PRICKLE2: variants seen among roughly 807,000 people sequenced by gnomAD.
The protein encoded by PRICKLE2 is prickle planar cell polarity protein 2.
In PRICKLE2, 21 loss-of-function variants were observed where a neutral mutation model predicts 81.4. The ratio of observed to expected loss-of-function variants is 0.26; its 90% CI spans 0.18 to 0.37. The LOEUF (loss-of-function observed/expected upper bound fraction) is 0.37. Among genes scored for constraint, PRICKLE2 ranks in the 10% least tolerant of loss-of-function variants. The pLI, the probability that PRICKLE2 is intolerant of heterozygous loss-of-function variation, is 1.00. For synonymous variants in PRICKLE2, 456 were observed against 421.5 expected, an observed-to-expected ratio of 1.08 and a Z score of -1.00; for missense variants, 940 against 1,109.0, an observed-to-expected ratio of 0.85 and a Z score of 2.16.
chr3:64,201,572 A>AT (rs989097243), intron 1 of PRICKLE2, among the ~76,000 whole-genome samples: 3 of 151,270 alleles, frequency 2.0e-5, no homozygotes, highest in East Asian at 1.9e-4. Flanking sequence ...TCCTTAGTCC[A>AT]TTTTTTTTCA....
chr3:64,133,590 G>T (rs543940831), intron 7 of PRICKLE2, among the ~76,000 whole-genome samples: 1 of 152,102 alleles, frequency 6.6e-6, no homozygotes, highest in Admixed American at 6.5e-5. Context: ...ATACTGGGGT[G>T]GGGGGCCAGG....
At chr3:64,149,099 G>C (rs898407172) in intron 6 of PRICKLE2, among the ~76,000 whole-genome samples, 1 of 152,140 alleles carries the variant, frequency 6.6e-6, no homozygotes. Context: ...ACAGGCCTGC[G>C]CCAGGTTTAT....
chr3:64,219,366 A>G (rs1487449949), intron 1 of PRICKLE2, among the ~76,000 whole-genome samples: 4 of 152,212 alleles, frequency 2.6e-5, no homozygotes, highest in Non-Finnish European at 5.9e-5. Flanking sequence ...ACAACTGGCG[A>G]TCAAGAGCAA....
intron 2 of PRICKLE2, chr3:64,174,917 G>C: frequency 4.8e-6 from 1 of 208,404 alleles, no homozygotes; most frequent in South Asian, 9.6e-5. Context: ...GAAGGTCCTG[G>C]TTTGCACTAA....
At chr3:64,178,997 TTCTTTCTTTC>T (rs969300122) in intron 2 of PRICKLE2, among the ~76,000 whole-genome samples, 7 of 148,836 alleles carry the variant, frequency 4.7e-5, no homozygotes, top group South Asian at 2.2e-4. Context: ...CTTTCTTTCT[TTCTTTCTTTC>T]TTTCTTTCTT....
At chr3:64,252,835 A>G (rs1215915171) in intron 2 of PRICKLE2, among the ~76,000 whole-genome samples, 1 of 152,232 alleles carries the variant, frequency 6.6e-6, no homozygotes, top group Non-Finnish European at 1.5e-5. Flanking sequence ...TGTGGGCCAT[A>G]TAGTCTCTGT....
At chr3:64,246,367 G>A (rs58370185) in intron 2 of PRICKLE2, among the ~76,000 whole-genome samples, 5,649 of 152,274 alleles carry the variant, frequency 0.037, 354 homozygotes, top group African/African-American at 0.13. Context: ...GAGCCCTGAA[G>A]TTGGAAAAAA....
chr3:64,225,938 G>GT (rs938290376), upstream of PRICKLE2, among the ~76,000 whole-genome samples: 3 of 149,650 alleles, frequency 2.0e-5, no homozygotes, highest in African/African-American at 7.4e-5. Flanking sequence ...GGTGTTGCTT[G>GT]TTTTTTGGCC....
intron 1 of PRICKLE2, among the ~76,000 whole-genome samples, chr3:64,223,153 T>C (rs1207142816): frequency 6.6e-6 from 1 of 152,232 alleles, no homozygotes; most frequent in Non-Finnish European, 1.5e-5. Context: ...TTTTCAATAC[T>C]GTTTTTTAGC....
chr3:64,229,916 C>G (rs749177557), upstream of PRICKLE2, among the ~76,000 whole-genome samples: 1 of 152,190 alleles, frequency 6.6e-6, no homozygotes, highest in East Asian at 1.9e-4. Context: ...ATGTCAATGG[C>G]TTAACACAAG....
intron 6 of PRICKLE2, among the ~76,000 whole-genome samples, chr3:64,151,681 A>T (rs1360990975): frequency 3.9e-5 from 6 of 152,172 alleles, no homozygotes; most frequent in African/African-American, 1.2e-4. Context: ...GGCAATACTG[A>T]GTCAAGACAT....
intron 7 of PRICKLE2, among the ~76,000 whole-genome samples, chr3:64,116,483 A>T (rs1435764129): frequency 6.6e-6 from 1 of 152,192 alleles, no homozygotes; most frequent in Non-Finnish European, 1.5e-5. Context: ...AGAAGATTAA[A>T]ATAAACACAA....
intron 7 of PRICKLE2, among the ~76,000 whole-genome samples, chr3:64,134,751 G>A (rs1197435720): frequency 1.3e-5 from 2 of 151,108 alleles, no homozygotes; most frequent in African/African-American, 4.8e-5. Flanking sequence ...TGTACCTTAG[G>A]CAAAGGGAAT....
chr3:64,113,209 T>A (rs1309019994), intron 7 of PRICKLE2, among the ~76,000 whole-genome samples: 5 of 152,212 alleles, frequency 3.3e-5, no homozygotes, highest in Admixed American at 3.3e-4. Flanking sequence ...GAGGGTTTGC[T>A]GTGGGGGTGT....
At chr3:64,144,616 T>C (rs2077415388) in intron 7 of PRICKLE2, among the ~76,000 whole-genome samples, 1 of 152,214 alleles carries the variant, frequency 6.6e-6, no homozygotes, top group Non-Finnish European at 1.5e-5. Flanking sequence ...CCTCCTCTGG[T>C]ACCTTGCCCA....
At chr3:64,122,189 T>G (rs1163571105) in intron 7 of PRICKLE2, among the ~76,000 whole-genome samples, 2 of 152,278 alleles carry the variant, frequency 1.3e-5, no homozygotes, top group Non-Finnish European at 2.9e-5. Flanking sequence ...GGGGGTAGTT[T>G]GTTGACAGAA....
chr3:64,192,117 A>G (rs1319171550), intron 2 of PRICKLE2, among the ~76,000 whole-genome samples: 2 of 152,280 alleles, frequency 1.3e-5, no homozygotes, highest in Non-Finnish European at 2.9e-5. Context: ...GGGAACAGAA[A>G]TAATTGATAT....
chr3:64,130,895 C>G (rs1356115129), intron 7 of PRICKLE2, among the ~76,000 whole-genome samples: 1 of 152,222 alleles, frequency 6.6e-6, no homozygotes, highest in Non-Finnish European at 1.5e-5. Flanking sequence ...ATTTTAGCCT[C>G]TGCCTTACAT....
intron 7 of PRICKLE2, among the ~76,000 whole-genome samples, chr3:64,125,952 C>CTT (rs201865721): frequency 0.022 from 3,216 of 149,098 alleles, 120 homozygotes; most frequent in African/African-American, 0.074. Context: ...TATCATGAGT[C>CTT]TTTTTTTTTT....
Sources: gnomAD v4.1 joint callset for allele counts (sites outside exome capture counted in the v4.1 genomes callset) on GRCh38, gnomAD v4.1.1 for gene constraint, MANE v1.5 for transcripts, NCBI Gene and HGNC (gene_info 2026-07-23, HGNC 2026-07-21) for gene names.